The following CDC5L variants were observed in gnomAD, a reference collection of about 807,000 sequenced individuals.
CDC5L encodes cell division cycle 5 like, also known as cell division cycle 5-like protein.
In CDC5L, 18 loss-of-function variants were observed where a neutral mutation model predicts 104.1. The observed-to-expected ratio is 0.17, with a 90% CI of 0.12 to 0.26. CDC5L has a LOEUF of 0.26. Among genes scored for constraint, CDC5L ranks in the 10% least tolerant of loss-of-function variants. The pLI is 1.00. For missense variants in CDC5L, 673 were observed against 956.9 expected (o/e 0.70, Z 3.91); for synonymous variants, 331 against 322.7 (o/e 1.03, Z -0.28).
chr6:44,419,355 C>A, intron 8 of CDC5L, 94 bp from the exon 9 acceptor site: 1 of 1,129,670 alleles, frequency 8.9e-7, no homozygotes, highest in Non-Finnish European at 1.3e-6. Context: ...AGTAAGGATT[C>A]TGCCTGCTTC....
intron 3 of CDC5L, among the ~76,000 whole-genome samples, chr6:44,393,204 G>GTA (rs1561966960): frequency 9.2e-6 from 1 of 108,518 alleles, no homozygotes; most frequent in Non-Finnish European, 1.8e-5. Flanking sequence ...TTGTATGGCT[G>GTA]TACCGCATTT....
chr6:44,387,853 A>G lies in CDC5L; in HGVS notation c.30A>G (p.Val10=). 2 of 1,566,394 alleles carry G rather than the reference A, an allele frequency of 1.3e-6. No individual in the cohort carries two copies. The highest frequency in any genetic ancestry group is 1.7e-6 in the Non-Finnish European group (2 of 1,154,316). The change falls in exon 1 of 16, where the codon GTA becomes GTG. Residue 10 remains valine (V), a synonymous_variant. Coordinates refer to ENST00000371477, the MANE Select transcript of CDC5L (RefSeq NM_001253.4). MPRIMIKGG[V]WRNTEDEILK... is the part of the protein sequence containing the mutation. ...CTCGAATTATGATCAAGGGGGGCGTATGGAGGAATACCGAGGTAAGTCTCC... is the reference window on the plus strand; with the variant it reads ...CTCGAATTATGATCAAGGGGGGCGTGTGGAGGAATACCGAGGTAAGTCTCC...
intron 4 of CDC5L, 111 bp from the exon 5 acceptor site, chr6:44,396,230 T>G: frequency 1.7e-6 from 1 of 592,656 alleles, no homozygotes; most frequent in Non-Finnish European, 2.9e-6. Flanking sequence ...AAAATCAGTA[T>G]TTTTATGTTT....
intron 10 of CDC5L, among the ~76,000 whole-genome samples, chr6:44,423,109 C>T (rs975115047): frequency 5.9e-5 from 9 of 151,970 alleles, no homozygotes; most frequent in African/African-American, 1.7e-4. Flanking sequence ...TGCTTCTGCC[C>T]GTGTTACTGC....
intron 3 of CDC5L, 29 bp from the exon 4 acceptor site, chr6:44,393,417 G>A: frequency 6.2e-7 from 1 of 1,607,314 alleles, no homozygotes; most frequent in Non-Finnish European, 8.5e-7. Flanking sequence ...GTACTGTAGT[G>A]TGACTAACTC....
In CDC5L at chr6:44,447,228, A is replaced by G. The variant is rs1371293651; in HGVS notation, c.*517A>G. ...TTCAGCAAAGAGTGGTCATTTCTGT[A>G]TACACTGACAAGTTAGATTAACTTT... On this transcript the variant is annotated 3_prime_UTR_variant, in exon 16 of 16. Transcript: ENST00000371477. 1 of 152,120 alleles carries G rather than the reference A, an allele frequency of 6.6e-6. No individual in the cohort carries two copies. Among genetic ancestry groups the G allele is most frequent in the African/African-American group, 2.4e-5 (1 of 41,434 alleles). 9.4% of individuals were successfully genotyped at this position (152,120 alleles called of 1,614,324 possible).
In CDC5L at chr6:44,408,707, C is replaced by T. The variant is rs558975912; in HGVS notation, c.1092+75C>T. 59 of 1,128,174 alleles carry T rather than the reference C, an allele frequency of 5.2e-5. No homozygotes were observed. The African/African-American group carries it at 6.9e-4, about 13-fold the overall frequency. The allele number at this position is 1,128,174 out of a possible 1,614,324, so 69.9% of individuals were successfully genotyped here. On this transcript the variant is annotated intron_variant, in intron 8 of 15. Coordinates refer to ENST00000371477, the MANE Select transcript of CDC5L (RefSeq NM_001253.4). ...AGAAGTATCATGCAGGAGAACTAAG[C>T]GGTTTGGTTGTGTTTCTTTTAGTGT...
intron 8 of CDC5L, among the ~76,000 whole-genome samples, chr6:44,410,006 G>A (rs1273697334): frequency 1.3e-5 from 2 of 151,396 alleles, no homozygotes; most frequent in Non-Finnish European, 2.9e-5. Flanking sequence ...TTTGATATAT[G>A]TATACCTTAT....
At chr6:44,427,858 G>T (rs1240115532) in intron 13 of CDC5L, among the ~76,000 whole-genome samples, 2 of 152,212 alleles carry the variant, frequency 1.3e-5, no homozygotes, top group Non-Finnish European at 2.9e-5. Flanking sequence ...TTCCTAAATT[G>T]TATGTATGGA....
rs747191825 is a variant in CDC5L at position 44,445,669 on chromosome 6, C to T, written c.2106C>T (p.His702=). 1.3e-5 allele frequency: 21 copies of T among 1,613,540 alleles called. No individual in the cohort carries two copies. The highest frequency in any genetic ancestry group is 1.5e-5 in the Non-Finnish European group (18 of 1,179,740). The part of the protein sequence containing the change: ...LEKRLEINRG[H]MTTEAKRAAK... ...CTGCTCTCCAGATAAACAGGGGTCA[C>T]ATGACGACAGAAGCCAAGAGGGCTG... The change falls in exon 15 of 16, where the codon CAC becomes CAT. Residue 702 remains histidine (H), a synonymous_variant. Transcript: ENST00000371477.
In CDC5L at chr6:44,422,814, ATGTCAATTCCCT is replaced by A. The variant is rs1554160240; in HGVS notation, c.1404+7_1404+18del. On this transcript the variant is annotated splice_donor_region_variant and intron_variant, in intron 10 of 15. Transcript: ENST00000371477. ...CCCTCTTACGTGAAGCAGATGGTAA[ATGTCAATTCCCT>A]TTTAATACTCTTAAATTTTTTTTTA... 1 of 1,586,912 alleles carries A rather than the reference ATGTCAATTCCCT, an allele frequency of 6.3e-7. No individual in the cohort carries two copies. The highest frequency in any genetic ancestry group is 8.6e-7 in the Non-Finnish European group (1 of 1,169,016).
intron 14 of CDC5L, among the ~76,000 whole-genome samples, chr6:44,433,244 G>C (rs2153382804): frequency 6.6e-6 from 1 of 152,300 alleles, no homozygotes; most frequent in Middle Eastern, 3.4e-3. Flanking sequence ...AGGCAGACAA[G>C]TTCTCTGTGT....
At chr6:44,391,009 TA>T (rs1328837523) in intron 2 of CDC5L, among the ~76,000 whole-genome samples, 17 of 117,242 alleles carry the variant, frequency 1.4e-4, no homozygotes, top group Non-Finnish European at 3.1e-4. Context: ...TAATATGTTA[TA>T]TATTATATAT....
chr6:44,439,408 C>T (rs1793079347), intron 14 of CDC5L, among the ~76,000 whole-genome samples: 2 of 149,190 alleles, frequency 1.3e-5, no homozygotes, highest in South Asian at 4.7e-4. Flanking sequence ...CTCATTTGAA[C>T]TTCAGGGTTA....
In CDC5L at chr6:44,447,665, T is replaced by C. The variant is rs148942306; in HGVS notation, c.*954T>C. The C allele has an allele frequency of 2.0e-5, 3 of 152,304 alleles. No individual in the cohort carries two copies. Among genetic ancestry groups the C allele is most frequent in the Non-Finnish European group, 4.4e-5 (3 of 68,020 alleles). The allele number at this position is 152,304 out of a possible 1,614,324, so 9.4% of individuals were successfully genotyped here. On this transcript the variant is annotated 3_prime_UTR_variant, in exon 16 of 16. Transcript: ENST00000371477. ...GGAAGGGATTCATTCATTCATTCGA[T>C]ATTGAATGTATACCCTGTGCCAGAG...
In CDC5L at chr6:44,387,831, G is replaced by A; in HGVS notation, c.8G>A (p.Arg3Gln). 1.3e-6 allele frequency: 2 copies of A among 1,567,142 alleles called. No individual in the cohort carries two copies. The highest frequency in any genetic ancestry group is 2.4e-5 in the East Asian group (1 of 42,254). ...AGACACCCTGCCGCCAAGATGCCTC[G>A]AATTATGATCAAGGGGGGCGTATGG... The part of the protein sequence containing the change: MP[R>Q]IMIKGGVWRN... The change falls in exon 1 of 16, where the codon CGA (arginine) becomes CAA (glutamine). Residue 3 changes from arginine (R) to glutamine (Q), a missense_variant. Arg to Gln is a conservative substitution (Grantham distance 43, BLOSUM62 1). This residue lies in a region of CDC5L where 13 missense variants were observed against 56.0 expected (regional missense o/e 0.23). Transcript: ENST00000371477.
intron 7 of CDC5L, among the ~76,000 whole-genome samples, chr6:44,407,557 C>T (rs11571962): frequency 0.06 from 9,076 of 152,280 alleles, 445 homozygotes; most frequent in Admixed American, 0.18. Flanking sequence ...GATTTCTTGA[C>T]TTCGTGAGCT....
At chr6:44,389,574 A>G (rs192481515) in intron 1 of CDC5L, among the ~76,000 whole-genome samples, 1 of 152,178 alleles carries the variant, frequency 6.6e-6, no homozygotes, top group African/African-American at 2.4e-5. Context: ...GCCCTGGTGA[A>G]ATGGTATCTA....
chr6:44,437,475 CTTAAG>C (rs1178765711), intron 14 of CDC5L, among the ~76,000 whole-genome samples: 4 of 151,960 alleles, frequency 2.6e-5, no homozygotes, highest in Non-Finnish European at 5.9e-5. Flanking sequence ...TTTTTCTGTG[CTTAAG>C]TTAATTTTTG....
Sources: allele counts gnomAD v4.1 joint callset (sites outside exome capture counted in the v4.1 genomes callset), GRCh38; gene constraint gnomAD v4.1.1; regional missense constraint gnomAD v4.1.1; transcripts MANE v1.5; gene names NCBI Gene and HGNC (gene_info 2026-07-23, HGNC 2026-07-21).